CLIC5: variants seen among roughly 807,000 people sequenced by gnomAD.
CLIC5 encodes the protein chloride intracellular channel protein 5.
In CLIC5, 20 loss-of-function variants were observed where a neutral mutation model predicts 24.7. That is an observed-to-expected ratio of 0.81 (90% CI 0.57 to 1.18). CLIC5 has a LOEUF of 1.18. Among genes scored for constraint, CLIC5 ranks in the 50% most tolerant of loss-of-function variants. The pLI is 0.00. For synonymous variants in CLIC5, 159 were observed against 135.6 expected (o/e 1.17, Z -1.20); for missense variants, 341 against 326.1 (o/e 1.05, Z -0.35).
intron 1 of CLIC5, among the ~76,000 whole-genome samples, chr6:45,992,660 TA>T (rs1765984045): frequency 6.6e-6 from 1 of 152,216 alleles, no homozygotes; most frequent in Non-Finnish European, 1.5e-5. Flanking sequence ...ATATCTGCTG[TA>T]AGTCTGTATC....
At chr6:46,123,714 T>A in the CLIC5 span, among the ~76,000 whole-genome samples, 1 of 145,948 alleles carries the variant, frequency 6.9e-6, no homozygotes, top group African/African-American at 2.5e-5. Flanking sequence ...CCCCTTAAGC[T>A]GATAAGCAAC....
chr6:45,935,276 G>A (rs1277179027), intron 4 of CLIC5, among the ~76,000 whole-genome samples: 1 of 152,232 alleles, frequency 6.6e-6, no homozygotes, highest in Non-Finnish European at 1.5e-5. Flanking sequence ...AGCCAAAGGG[G>A]TGTTCCAGTG....
intron 4 of CLIC5, among the ~76,000 whole-genome samples, chr6:45,927,627 C>A (rs1321489461): frequency 6.6e-6 from 1 of 152,166 alleles, no homozygotes; most frequent in African/African-American, 2.4e-5. Context: ...CTGCAGGAAT[C>A]TACATTGAAC....
At chr6:46,045,713 C>T (rs1767935689) in intron 1 of CLIC5, among the ~76,000 whole-genome samples, 1 of 152,088 alleles carries the variant, frequency 6.6e-6, no homozygotes, top group Non-Finnish European at 1.5e-5. Flanking sequence ...CTTTAAACAA[C>T]TATACCTACT....
intron 1 of CLIC5, among the ~76,000 whole-genome samples, chr6:46,067,204 C>T (rs149636022): frequency 1.4e-4 from 22 of 152,084 alleles, no homozygotes; most frequent in African/African-American, 2.2e-4. Context: ...CCAAATTTAC[C>T]GAGTCCCCAC....
chr6:45,942,120 A>G (rs1460187136), intron 3 of CLIC5, among the ~76,000 whole-genome samples: 2 of 152,222 alleles, frequency 1.3e-5, no homozygotes, highest in Non-Finnish European at 2.9e-5. Context: ...GAAGCCAGGT[A>G]TGTTAGCATT....
chr6:46,039,693 T>C (rs1423321805), intron 1 of CLIC5, among the ~76,000 whole-genome samples: 1 of 152,190 alleles, frequency 6.6e-6, no homozygotes, highest in Non-Finnish European at 1.5e-5. Context: ...TTGTAAGTTA[T>C]AAATGTTAAA....
intron 1 of CLIC5, among the ~76,000 whole-genome samples, chr6:46,032,761 A>G (rs1767540237): frequency 6.6e-6 from 1 of 152,172 alleles, no homozygotes. Context: ...AGCCGAGAGG[A>G]ACTTAGTGAG....
intron 5 of CLIC5, chr6:45,912,039 G>T: frequency 1.0e-6 from 1 of 985,830 alleles, no homozygotes; most frequent in Non-Finnish European, 1.2e-6. Flanking sequence ...GCAGCAAGGG[G>T]GTAAGGATGC....
chr6:45,934,023 C>T (rs1351651669), intron 4 of CLIC5, among the ~76,000 whole-genome samples: 2 of 152,208 alleles, frequency 1.3e-5, no homozygotes, highest in African/African-American at 2.4e-5. Context: ...ACCACAGCTC[C>T]TCCGTGCCTG....
chr6:45,954,272 C>CAAAAAAAA (rs11311720), intron 2 of CLIC5, among the ~76,000 whole-genome samples: 15 of 76,526 alleles, frequency 2.0e-4, no homozygotes, highest in Non-Finnish European at 2.8e-4. Flanking sequence ...GACTCTGTCT[C>CAAAAAAAA]AAAAAAAAAA....
chr6:46,072,224 CT>C (rs1394916244), intron 1 of CLIC5, among the ~76,000 whole-genome samples: 1 of 147,860 alleles, frequency 6.8e-6, no homozygotes, highest in African/African-American at 2.5e-5. Context: ...TAATGTACCC[CT>C]GAACTTAAAA....
At chr6:45,948,662 T>A (rs145072358) in intron 3 of CLIC5, among the ~76,000 whole-genome samples, 2 of 152,332 alleles carry the variant, frequency 1.3e-5, no homozygotes, top group East Asian at 3.9e-4. Context: ...TTTTTACTGC[T>A]CTTTTCCATC....
intron 1 of CLIC5, among the ~76,000 whole-genome samples, chr6:45,991,112 C>T (rs1275222216): frequency 1.3e-5 from 2 of 152,170 alleles, no homozygotes; most frequent in Non-Finnish European, 2.9e-5. Context: ...ATAATCCCTT[C>T]GAGTGTGAAT....
chr6:46,073,791 C>T (rs991989077), intron 1 of CLIC5, among the ~76,000 whole-genome samples: 1 of 152,226 alleles, frequency 6.6e-6, no homozygotes, highest in African/African-American at 2.4e-5. Flanking sequence ...TGAGTGTTGG[C>T]TGTGACTCTG....
chr6:45,901,479 G>A lies in CLIC5; in HGVS notation c.*1609C>T, dbSNP rs1762510157. 6.6e-6 allele frequency: 1 copy of A among 152,120 alleles called. No homozygotes were observed. Among genetic ancestry groups the A allele is most frequent in the Non-Finnish European group, 1.5e-5 (1 of 68,030 alleles). 9.4% of individuals were successfully genotyped at this position (152,120 alleles called of 1,614,324 possible). On this transcript the variant is annotated 3_prime_UTR_variant, in exon 6 of 6. Transcript: ENST00000339561. The stretch of plus-strand genomic sequence containing the variant: ...AATTTGTTGATATTTCTATGGAAAG[G>A]ACCCGTGCTATCCTGCCCTTGCTGA...
At chr6:45,944,084 T>C (rs1035323473) in intron 3 of CLIC5, among the ~76,000 whole-genome samples, 2 of 152,170 alleles carry the variant, frequency 1.3e-5, no homozygotes, top group Admixed American at 1.3e-4. Context: ...TGAAATAACA[T>C]TGGATGTGAT....
At chr6:45,983,502 T>G (rs1257280887) in intron 1 of CLIC5, among the ~76,000 whole-genome samples, 1 of 152,154 alleles carries the variant, frequency 6.6e-6, no homozygotes, top group Non-Finnish European at 1.5e-5. Context: ...GTGGCATTCC[T>G]TATAGCTCCG....
chr6:45,894,820 G>A (rs781249968), downstream of CLIC5, among the ~76,000 whole-genome samples: 6 of 152,224 alleles, frequency 3.9e-5, no homozygotes, highest in African/African-American at 1.4e-4. Flanking sequence ...CATGCGCACT[G>A]TAAGGTGAGG....
Sources: gnomAD v4.1 joint callset for allele counts (sites outside exome capture counted in the v4.1 genomes callset) on GRCh38, gnomAD v4.1.1 for gene constraint, MANE v1.5 for transcripts, NCBI Gene and HGNC (gene_info 2026-07-23, HGNC 2026-07-21) for gene names.